SLC30A6: variants seen among roughly 807,000 people sequenced by gnomAD.
The protein encoded by SLC30A6 is solute carrier family 30 member 6.
A neutral mutation model predicts 63.0 loss-of-function variants in SLC30A6; 55 were observed. The ratio of observed to expected loss-of-function variants is 0.87; its 90% CI spans 0.70 to 1.09. The LOEUF (loss-of-function observed/expected upper bound fraction) is 1.09. Among genes scored for constraint, SLC30A6 ranks in the 50% least tolerant of loss-of-function variants. The probability of loss-of-function intolerance (pLI) is 0.00; values close to 1 mark genes in which losing one functional copy is unlikely to be tolerated. For missense variants in SLC30A6, 587 were observed against 549.2 expected, an observed-to-expected ratio of 1.07 and a Z score of -0.69; for synonymous variants, 224 against 186.1, an observed-to-expected ratio of 1.20 and a Z score of -1.66.
chr2:32,216,159 G>A (rs1163591297), intron 13 of SLC30A6, among the ~76,000 whole-genome samples: 4 of 152,138 alleles, frequency 2.6e-5, no homozygotes, highest in Non-Finnish European at 5.9e-5. Context: ...TGGCTGAACT[G>A]ATTTACATCC....
intron 5 of SLC30A6, among the ~76,000 whole-genome samples, chr2:32,188,954 A>G (rs1324285059): frequency 1.3e-5 from 2 of 152,124 alleles, no homozygotes; most frequent in African/African-American, 4.8e-5. Context: ...TATCTTGTTC[A>G]TTCTTGTTCA....
rs778791313 is a variant in SLC30A6, at chr2:32,184,268, C to A, written c.219-5C>A. ...AATACTAAATTTATTTTTCTTTTTA[C>A]TTAGTTTAATGACATGTTTAATAAG... On this transcript the variant is annotated splice_region_variant and splice_polypyrimidine_tract_variant and intron_variant, in intron 4 of 13. Transcript: ENST00000282587. 8.8e-6 allele frequency: 13 copies of A among 1,485,178 alleles called. No individual in the cohort carries two copies. Among genetic ancestry groups the A allele is most frequent in the Admixed American group, 2.1e-5 (1 of 48,186 alleles). 92.0% of individuals were successfully genotyped at this position (1,485,178 alleles called of 1,614,324 possible). A position where few individuals can be genotyped will look rare whatever the true frequency, so the allele number is the denominator to read the frequency against.
rs575909743 is a variant in SLC30A6, at chr2:32,202,273, G to C, written c.666-2317G>C. The C allele has an allele frequency of 4.7e-5, 27 of 577,520 alleles. No homozygotes were observed. In the East Asian group the frequency reaches 1.2e-3, roughly 26 times the overall value. The allele number at this position is 577,520 out of a possible 1,614,324, so 35.8% of individuals were successfully genotyped here. A position where few individuals can be genotyped will look rare whatever the true frequency, so the allele number is the denominator to read the frequency against. On this transcript the variant is annotated intron_variant, in intron 10 of 13. Coordinates refer to ENST00000282587, the MANE Select transcript of SLC30A6 (RefSeq NM_017964.5). ...AGCACAGACGGGAACAGGAAAGAAA[G>C]ACATTCTATTTTGCGATCCCTTTGA...
chr2:32,208,260 A>T (rs1298992506), intron 12 of SLC30A6, among the ~76,000 whole-genome samples: 1 of 151,290 alleles, frequency 6.6e-6, no homozygotes, highest in African/African-American at 2.4e-5. Flanking sequence ...CCTCCTGAGT[A>T]GCTGGGATTA....
intron 4 of SLC30A6, among the ~76,000 whole-genome samples, 187 bp downstream of exon 4, chr2:32,175,548 C>G (rs1336692611): frequency 6.6e-6 from 1 of 151,944 alleles, no homozygotes; most frequent in Non-Finnish European, 1.5e-5. Context: ...TATGAAATGT[C>G]CAAAACAGGC....
chr2:32,205,824 C>T (rs1168057335), intron 11 of SLC30A6, among the ~76,000 whole-genome samples: 3 of 151,582 alleles, frequency 2.0e-5, no homozygotes, highest in South Asian at 2.1e-4. Flanking sequence ...TGTGCCACCA[C>T]GCCTGGCTAA....
At chr2:32,214,156 C>T (rs964846497) in intron 13 of SLC30A6, among the ~76,000 whole-genome samples, 5 of 151,960 alleles carry the variant, frequency 3.3e-5, no homozygotes, top group South Asian at 2.1e-4. Context: ...AGGCTGGTCT[C>T]GAACTCCTGA....
At chr2:32,203,520 G>A in intron 10 of SLC30A6, 1 of 1,606,256 alleles carries the variant, frequency 6.2e-7, no homozygotes, top group Admixed American at 1.7e-5. Context: ...GGTGCATCAG[G>A]CTTTGAACCA....
chr2:32,184,864 G>A (rs1682665850), intron 5 of SLC30A6, among the ~76,000 whole-genome samples: 1 of 152,074 alleles, frequency 6.6e-6, no homozygotes, highest in Admixed American at 6.6e-5. Flanking sequence ...ATTTTATAAA[G>A]CAAATATTTT....
chr2:32,174,773 C>T (rs1045166126), intron 3 of SLC30A6, among the ~76,000 whole-genome samples: 9 of 146,808 alleles, frequency 6.1e-5, no homozygotes, highest in African/African-American at 1.8e-4. Flanking sequence ...AGGATGGTCT[C>T]GATCTCCTGA....
chr2:32,211,765 G>A (rs908081115), intron 13 of SLC30A6, among the ~76,000 whole-genome samples: 1 of 151,740 alleles, frequency 6.6e-6, no homozygotes, highest in East Asian at 1.9e-4. Context: ...TTACAGGCAC[G>A]CACCACCACG....
intron 10 of SLC30A6, chr2:32,202,108 C>A (rs983018879): frequency 1.3e-6 from 1 of 750,292 alleles, no homozygotes; most frequent in Non-Finnish European, 2.2e-6. Flanking sequence ...AACACATGAA[C>A]AGAAAGAAGG....
rs1199332444 is a variant in SLC30A6, at chr2:32,184,255, A to G, written c.219-18A>G. 35 of 1,428,080 alleles carry G rather than the reference A, an allele frequency of 2.5e-5. No homozygotes were observed. The highest frequency in any genetic ancestry group is 3.3e-5 in the Non-Finnish European group (35 of 1,053,352). The allele number at this position is 1,428,080 out of a possible 1,614,324, so 88.5% of individuals were successfully genotyped here. ...CTCTTCTAGTTCTAATACTAAATTT[A>G]TTTTTCTTTTTACTTAGTTTAATGA... On this transcript the variant is annotated intron_variant, in intron 4 of 13. Transcript: ENST00000282587.
chr2:32,205,192 G>A (rs998368449), intron 11 of SLC30A6, among the ~76,000 whole-genome samples: 11 of 152,068 alleles, frequency 7.2e-5, no homozygotes, highest in Non-Finnish European at 1.0e-4. Context: ...AGGCCAAGGC[G>A]GGCAGATCAC....
intron 8 of SLC30A6, among the ~76,000 whole-genome samples, 192 bp downstream of exon 8, chr2:32,194,175 A>G (rs751543648): frequency 1.3e-5 from 2 of 152,230 alleles, no homozygotes; most frequent in Non-Finnish European, 2.9e-5. Flanking sequence ...AAGCTTTAAA[A>G]TAACAAATTA....
In SLC30A6 at chr2:32,221,643, AT is replaced by A. The variant is rs2148922404; in HGVS notation, c.*934del. ...CTAAAAGCAAAAATTTTTAGCAGAA[AT>A]TTTGGAATACATTCTATCTAGCACA... On this transcript the variant is annotated 3_prime_UTR_variant, in exon 14 of 14. Coordinates refer to ENST00000282587, the MANE Select transcript of SLC30A6 (RefSeq NM_017964.5). 1 of 152,322 alleles carries A rather than the reference AT, an allele frequency of 6.6e-6. No individual in the cohort carries two copies. Among genetic ancestry groups the A allele is most frequent in the South Asian group, 2.1e-4 (1 of 4,828 alleles). 9.4% of individuals were successfully genotyped at this position (152,322 alleles called of 1,614,324 possible).
intron 5 of SLC30A6, among the ~76,000 whole-genome samples, chr2:32,190,062 T>C (rs949573383): frequency 1.3e-5 from 2 of 152,246 alleles, no homozygotes; most frequent in Non-Finnish European, 2.9e-5. Flanking sequence ...TTTAACCATT[T>C]CCTGTTTTTC....
intron 10 of SLC30A6, chr2:32,203,008 C>A: frequency 1.7e-6 from 2 of 1,172,196 alleles, no homozygotes; most frequent in Non-Finnish European, 2.6e-6. Context: ...AGGAGTGTAA[C>A]TGAAATAGCC....
chr2:32,167,218 G>T (rs1680754938), intron 1 of SLC30A6, among the ~76,000 whole-genome samples: 1 of 152,098 alleles, frequency 6.6e-6, no homozygotes, highest in African/African-American at 2.4e-5. Context: ...TGGGATTACA[G>T]GAATGCGCCA....
Sources: gnomAD v4.1 joint callset for allele counts (sites outside exome capture counted in the v4.1 genomes callset) on GRCh38, gnomAD v4.1.1 for gene constraint, MANE v1.5 for transcripts, NCBI Gene and HGNC (gene_info 2026-07-23, HGNC 2026-07-21) for gene names.